ZNF446: variants seen among roughly 807,000 people sequenced by gnomAD.
ZNF446 encodes the protein zinc finger protein 446.
Under a neutral mutation model 34.0 loss-of-function variants are expected in ZNF446, and 42 were observed. That is an observed-to-expected ratio of 1.23 (90% CI 0.96 to 1.60). The LOEUF is 1.60. Ranked by LOEUF, ZNF446 falls within the 40% of genes most tolerant of loss-of-function variation. The probability of loss-of-function intolerance (pLI) is 0.00; values close to 1 mark genes in which losing one functional copy is unlikely to be tolerated. For missense variants in ZNF446, 650 were observed against 600.2 expected, an observed-to-expected ratio of 1.08 and a Z score of -0.87; for synonymous variants, 315 against 251.0, an observed-to-expected ratio of 1.25 and a Z score of -2.41.
At chr19:58,483,672 G>A (rs1384602034), downstream of ZNF446, 2 of 151,972 alleles carry the variant, frequency 1.3e-5, no homozygotes, top group Non-Finnish European at 2.9e-5. Flanking sequence ...ACGGAAATGG[G>A]AGACGGAAGG....
At position 58,479,920 on chromosome 19, in the gene ZNF446, A is replaced by C. The variant is rs1600011086; in HGVS notation, c.713-10A>C. The C allele has an allele frequency of 1.9e-6, 3 of 1,558,008 alleles. No homozygotes were observed. Among genetic ancestry groups the C allele is most frequent in the African/African-American group, 1.4e-5 (1 of 72,878 alleles). ...AACCCCATGCCTAACTGTGCCCCCC[A>C]CCCGGGCAGGGTTACCGCCCCACCA... On this transcript the variant is annotated splice_polypyrimidine_tract_variant and intron_variant, in intron 5 of 6. Transcript: ENST00000594369.
chr19:58,481,996 G>A (rs560086281), downstream of ZNF446, among the ~76,000 whole-genome samples: 388 of 152,132 alleles, frequency 2.6e-3, 4 homozygotes, highest in Non-Finnish European at 4.3e-3. Context: ...GGGTTTCACC[G>A]TGTTAGCCAG....
chr19:58,484,868 G>A (rs766236117), downstream of ZNF446, among the ~76,000 whole-genome samples: 23 of 151,874 alleles, frequency 1.5e-4, no homozygotes, highest in Non-Finnish European at 2.8e-4. Context: ...GACCAGCTTG[G>A]GCAACATGGT....
At position 58,480,219 on chromosome 19, in the gene ZNF446, G is replaced by C; in HGVS notation, c.846G>C (p.Pro282=). The change falls in exon 7 of 7, where the codon CCG becomes CCC. Residue 282 remains proline (P), a synonymous_variant. Transcript: ENST00000594369. The surrounding 1 kb of genome is among the most constrained non-coding windows in gnomAD (Gnocchi z 7.2). ...EGPPGCPEAQ[P]PQGPGPAAWE... is the part of the protein sequence containing the mutation. ...CACCTGGCTGCCCAGAGGCCCAGCC[G>C]CCCCAGGGCCCAGGGCCGGCAGCCT... The C allele has an allele frequency of 1.0e-5, 16 of 1,596,034 alleles. No homozygotes were observed. The highest frequency in any genetic ancestry group is 1.4e-5 in the Non-Finnish European group (16 of 1,177,652).
the ZNF446 span, among the ~76,000 whole-genome samples, chr19:58,488,853 A>AAG: frequency 2.7e-5 from 4 of 150,646 alleles, no homozygotes; most frequent in Non-Finnish European, 4.4e-5. Flanking sequence ...TCCGTCAAAA[A>AAG]AAAAAAAAAA....
downstream of ZNF446, among the ~76,000 whole-genome samples, chr19:58,484,029 G>A (rs1334578749): frequency 2.6e-5 from 4 of 152,104 alleles, no homozygotes; most frequent in Admixed American, 2.6e-4. Flanking sequence ...TTCTCAAAAT[G>A]GGATTGGTGA....
chr19:58,480,009 C>T lies in ZNF446; in HGVS notation c.792C>T (p.Ser264=). 1.3e-6 allele frequency: 2 copies of T among 1,583,840 alleles called. No homozygotes were observed. Among genetic ancestry groups the T allele is most frequent in the Non-Finnish European group, 8.6e-7 (1 of 1,168,350 alleles). ...MLLTGTGVCR[S]LRSGNESEGP... is the part of the protein sequence containing the mutation. ...TCACGGGGACAGGCGTCTGCAGAAGCCTGCGCTCGGGTGAGTGCCCCACAC... is the reference window on the plus strand; with the variant it reads ...TCACGGGGACAGGCGTCTGCAGAAGTCTGCGCTCGGGTGAGTGCCCCACAC... Residue 264 remains serine, a synonymous_variant, in exon 6 of 7, where the codon AGC becomes AGT. Transcript: ENST00000594369. The surrounding 1 kb of genome is among the most constrained non-coding windows in gnomAD (Gnocchi z 7.2).
downstream of ZNF446, among the ~76,000 whole-genome samples, chr19:58,486,088 C>CTTTTTTT (rs71190045): frequency 6.0e-5 from 5 of 83,336 alleles, no homozygotes; most frequent in Admixed American, 1.5e-4. Context: ...AGCTAACTTT[C>CTTTTTTT]TTTTTTTTTT....
At chr19:58,485,551 C>G (rs554185919), downstream of ZNF446, among the ~76,000 whole-genome samples, 20 of 152,112 alleles carry the variant, frequency 1.3e-4, no homozygotes, top group South Asian at 6.2e-4. Context: ...GAGTGGACAA[C>G]TAGGTCAATC....
intron 4 of ZNF446, among the ~76,000 whole-genome samples, chr19:58,478,447 T>C (rs555243024): frequency 7.2e-4 from 110 of 152,178 alleles, no homozygotes; most frequent in Non-Finnish European, 1.3e-3. Context: ...GCGGATCACC[T>C]GAGGTCAGGA....
chr19:58,486,553 C>A, the ZNF446 span, among the ~76,000 whole-genome samples: 13 of 148,878 alleles, frequency 8.7e-5, no homozygotes, highest in African/African-American at 2.0e-4. Context: ...GATTACAGGC[C>A]CCCGCCACCG....
the ZNF446 span, among the ~76,000 whole-genome samples, chr19:58,488,848 C>CAAAAAAAA: frequency 3.9e-5 from 4 of 102,320 alleles, no homozygotes; most frequent in South Asian, 3.2e-4. Flanking sequence ...AAGACTCCGT[C>CAAAAAAAA]AAAAAAAAAA....
At position 58,480,783 on chromosome 19, in the gene ZNF446, C is replaced by G. The variant is rs895043781; in HGVS notation, c.*57C>G. 5.2e-6 allele frequency: 8 copies of G among 1,548,194 alleles called. No individual in the cohort carries two copies. The Admixed American group carries it at 1.1e-4, about 21-fold the overall frequency. On this transcript the variant is annotated 3_prime_UTR_variant, in exon 7 of 7. Coordinates refer to ENST00000594369, the MANE Select transcript of ZNF446 (RefSeq NM_017908.4). The surrounding 1 kb of genome is among the most constrained non-coding windows in gnomAD (Gnocchi z 7.2). ...GGTGTTCTCGGGGCCTGGATACAGCCTCTGGGGCACCAGCAGAAGACTCTG... is the reference window on the plus strand; with the variant it reads ...GGTGTTCTCGGGGCCTGGATACAGCGTCTGGGGCACCAGCAGAAGACTCTG...
At position 58,480,432 on chromosome 19, in the gene ZNF446, A is replaced by G. The variant is rs2053128939; in HGVS notation, c.1059A>G (p.Thr353=). The G allele has an allele frequency of 6.2e-7, 1 of 1,612,498 alleles. No homozygotes were observed. Among genetic ancestry groups the G allele is most frequent in the Admixed American group, 1.7e-5 (1 of 59,974 alleles). ...CAGTGTTCGTCATCCACCACCGGAC[A>G]CACACGAGTGGGCCAGGTGTGCAGT... ...WKSVFVIHHR[T]HTSGPGVQSP... The change falls in exon 7 of 7, where the codon ACA becomes ACG. Residue 353 remains threonine, a synonymous_variant. Transcript: ENST00000594369. The surrounding 1 kb of genome is among the most constrained non-coding windows in gnomAD (Gnocchi z 7.2).
downstream of ZNF446, among the ~76,000 whole-genome samples, chr19:58,482,454 C>G (rs139377195): frequency 2.0e-3 from 299 of 152,196 alleles, no homozygotes; most frequent in Non-Finnish European, 3.0e-3. Flanking sequence ...ACTCTGAAAA[C>G]AAGGGGCATT....
intron 5 of ZNF446, 101 bp from the exon 6 acceptor site, chr19:58,479,829 G>C (rs906104157): frequency 1.7e-5 from 25 of 1,437,484 alleles, no homozygotes; most frequent in Non-Finnish European, 2.3e-5. Flanking sequence ...GCCCTACCCA[G>C]CTCTCCCACC....
At position 58,480,580 on chromosome 19, in the gene ZNF446, A is replaced by G. The variant is rs2053131294; in HGVS notation, c.1207A>G (p.Ser403Gly). 1.9e-6 allele frequency: 3 copies of G among 1,612,760 alleles called. No individual in the cohort carries two copies. Among genetic ancestry groups the G allele is most frequent in the African/African-American group, 1.3e-5 (1 of 74,852 alleles). The change falls in exon 7 of 7, where the codon AGC becomes GGC. Residue 403 changes from serine (S) to glycine (G), a missense_variant. Transcript: ENST00000594369. This position sits in a 1 kb window ranked among gnomAD's most constrained non-coding sequence, Gnocchi z 7.2. ...TTACCCGTGTGAGGAGTGCGGGTGC[A>G]GCTTCAGCTGGAAGTCGCAGCTGGT... ...RSYPCEECGCSFSWKSQLVIH... is the reference protein window; with the variant it reads ...RSYPCEECGCGFSWKSQLVIH...
At chr19:58,484,602 C>T (rs966801141), downstream of ZNF446, among the ~76,000 whole-genome samples, 11 of 151,868 alleles carry the variant, frequency 7.2e-5, no homozygotes, top group African/African-American at 1.9e-4. Context: ...GAGGCAAAGG[C>T]GGGCGGACTG....
rs764784692 is a variant in ZNF446 at position 58,477,435 on chromosome 19, C to T, written c.217C>T (p.Gln73Ter). 1 of 1,613,416 alleles carries T rather than the reference C, an allele frequency of 6.2e-7. No individual in the cohort carries two copies. The highest frequency in any genetic ancestry group is 8.5e-7 in the Non-Finnish European group (1 of 1,180,042). ...EQMLEMLVLE[Q>*]FLGTLPPEIQ... ...GATGCTGGAGATGCTGGTGCTGGAG[C>T]AGTTCCTGGGCACACTGCCTCCCGA... Residue 73 changes from glutamine to a stop codon, truncating the protein, a stop_gained, in exon 2 of 7, where the codon CAG becomes TAG. Coordinates refer to ENST00000594369, the MANE Select transcript of ZNF446 (RefSeq NM_017908.4). LOFTEE classifies it high-confidence loss of function.
Sources: allele counts gnomAD v4.1 joint callset (sites outside exome capture counted in the v4.1 genomes callset), GRCh38; gene constraint gnomAD v4.1.1; non-coding constraint Gnocchi (gnomAD v3.1); transcripts MANE v1.5; gene names NCBI Gene and HGNC (gene_info 2026-07-23, HGNC 2026-07-21).